Variants in SOX5 observed in about 807,000 individuals in gnomAD.
The protein encoded by SOX5 is transcription factor SOX-5.
Under a neutral mutation model 92.0 loss-of-function variants are expected in SOX5, and 9 were observed. The ratio of observed to expected loss-of-function variants is 0.10; its 90% confidence interval spans 0.06 to 0.17. SOX5 has a LOEUF of 0.17. Among genes scored for constraint, SOX5 ranks in the 10% least tolerant of loss-of-function variants. The pLI is 1.00. For missense variants in SOX5, 642 were observed against 944.5 expected (o/e 0.68, Z 4.20); for synonymous variants, 344 against 336.3 (o/e 1.02, Z -0.25).
At chr12:24,306,502 A>G (rs1428991789) in intron 2 of SOX5, among the ~76,000 whole-genome samples, 1 of 152,194 alleles carries the variant, frequency 6.6e-6, no homozygotes, top group Non-Finnish European at 1.5e-5. Context: ...CCATGACCAT[A>G]AGGAAGTGCA....
At chr12:24,112,346 G>T (rs1947455868) in intron 4 of SOX5, among the ~76,000 whole-genome samples, 2 of 152,006 alleles carry the variant, frequency 1.3e-5, no homozygotes, top group South Asian at 4.2e-4. Flanking sequence ...CTACATTCAT[G>T]CTGTAAATGC....
intron 4 of SOX5, among the ~76,000 whole-genome samples, chr12:24,050,558 T>G (rs35135814): frequency 0.22 from 33,139 of 152,116 alleles, 3,735 homozygotes; most frequent in Middle Eastern, 0.33. Context: ...GTAGTAATAA[T>G]TAGATTATTT....
At chr12:24,094,651 T>C (rs927229449) in intron 4 of SOX5, among the ~76,000 whole-genome samples, 8 of 152,150 alleles carry the variant, frequency 5.3e-5, no homozygotes, top group Admixed American at 2.0e-4. Flanking sequence ...CACCTGGGAT[T>C]TATTCTGTCA....
At chr12:24,359,418 G>T (rs11047393) in intron 2 of SOX5, among the ~76,000 whole-genome samples, 18,017 of 152,152 alleles carry the variant, frequency 0.12, 1,269 homozygotes, top group Non-Finnish European at 0.17. Context: ...TTTATCTACA[G>T]GCATCTTGCT....
chr12:24,327,070 G>T (rs1349322823), intron 2 of SOX5, among the ~76,000 whole-genome samples: 1 of 151,860 alleles, frequency 6.6e-6, no homozygotes, highest in Non-Finnish European at 1.5e-5. Flanking sequence ...TAGCATTTGG[G>T]AAAAAAAGAA....
At position 24,222,285 on chromosome 12, in the gene SOX5, G is replaced by C. The variant is rs73283053; in HGVS notation, c.-76-8868C>G. On this transcript the variant is annotated intron_variant, in intron 3 of 4. Coordinates refer to the SOX5 transcript ENST00000446891. ...CTATTTATTTCCAGGGCTATGTTAA[G>C]AATAAGCTTAAAGTAGGTCAGGGTA... Among the ~76,000 whole-genome samples, 219 of 152,244 alleles carry C rather than the reference G, an allele frequency of 1.4e-3. 2 individuals are homozygous for C. The highest frequency in any genetic ancestry group is 5.1e-3 in the African/African-American group (211 of 41,546).
chr12:24,031,888 A>C (rs909725372), intron 4 of SOX5, among the ~76,000 whole-genome samples: 2 of 151,890 alleles, frequency 1.3e-5, no homozygotes, highest in African/African-American at 4.8e-5. Context: ...AATTTTATCC[A>C]TAAGAGAATG....
intron 2 of SOX5, among the ~76,000 whole-genome samples, chr12:23,857,175 G>A (rs959717777): frequency 2.6e-5 from 4 of 152,070 alleles, no homozygotes; most frequent in African/African-American, 9.7e-5. Context: ...ATAAATAGAA[G>A]ACTAATATAG....
At chr12:24,345,944 T>C (rs939277755) in intron 2 of SOX5, among the ~76,000 whole-genome samples, 10 of 152,230 alleles carry the variant, frequency 6.6e-5, no homozygotes, top group African/African-American at 2.4e-4. Flanking sequence ...GTTCTATTAC[T>C]ACTACACATT....
intron 1 of SOX5, among the ~76,000 whole-genome samples, chr12:23,928,330 T>C (rs1940539161): frequency 1.3e-5 from 2 of 152,028 alleles, no homozygotes; most frequent in African/African-American, 4.8e-5. Flanking sequence ...ATCCTTAATG[T>C]TGCTCAGTAC....
At chr12:24,319,603 G>A (rs887638758) in intron 2 of SOX5, among the ~76,000 whole-genome samples, 2 of 152,044 alleles carry the variant, frequency 1.3e-5, no homozygotes, top group South Asian at 2.1e-4. Context: ...AGTAATCTCC[G>A]GAGTGGTTTT....
chr12:24,054,600 C>A (rs987517517), intron 4 of SOX5, among the ~76,000 whole-genome samples: 4 of 152,174 alleles, frequency 2.6e-5, no homozygotes, highest in Non-Finnish European at 5.9e-5. Flanking sequence ...GTGCCAATTG[C>A]TCTGTCTGTG....
At chr12:24,151,350 GA>G (rs964885890) in intron 4 of SOX5, among the ~76,000 whole-genome samples, 8 of 151,760 alleles carry the variant, frequency 5.3e-5, no homozygotes, top group Non-Finnish European at 7.4e-5. Flanking sequence ...TATATTTCAT[GA>G]AAAAAAATTC....
intron 1 of SOX5, chr12:24,460,582 T>C (rs1193253258): frequency 6.6e-6 from 1 of 152,232 alleles, no homozygotes. Flanking sequence ...AGAATTGTTT[T>C]TACTTGGACT....
chr12:23,650,139 A>G (rs1358727774), intron 7 of SOX5, among the ~76,000 whole-genome samples: 2 of 152,142 alleles, frequency 1.3e-5, no homozygotes, highest in Non-Finnish European at 2.9e-5. Flanking sequence ...TAATCAAGTG[A>G]GGAGGATTCA....
intron 1 of SOX5, among the ~76,000 whole-genome samples, chr12:24,534,347 G>A (rs1597696243): frequency 6.6e-6 from 1 of 151,934 alleles, no homozygotes; most frequent in East Asian, 1.9e-4. Context: ...CATGGTGGTA[G>A]AAAGTCTTCT....
At chr12:23,554,642 G>T (rs557678163) in intron 11 of SOX5, among the ~76,000 whole-genome samples, 1 of 152,188 alleles carries the variant, frequency 6.6e-6, no homozygotes, top group African/African-American at 2.4e-5. Flanking sequence ...AAATGTTAAG[G>T]TACAAAATAA....
At chr12:24,106,565 C>T (rs1398693185) in intron 4 of SOX5, among the ~76,000 whole-genome samples, 2 of 151,958 alleles carry the variant, frequency 1.3e-5, no homozygotes, top group Admixed American at 6.6e-5. Context: ...TCGACGCAGG[C>T]GGATCACCTG....
intron 6 of SOX5, among the ~76,000 whole-genome samples, chr12:23,701,331 T>C (rs1035599082): frequency 6.6e-6 from 1 of 151,898 alleles, no homozygotes; most frequent in Non-Finnish European, 1.5e-5. Flanking sequence ...TTAAGAGAAA[T>C]TGGAATTCTG....
Sources: gnomAD v4.1 joint callset for allele counts (sites outside exome capture counted in the v4.1 genomes callset) on GRCh38, gnomAD v4.1.1 for gene constraint, MANE v1.5 for transcripts, NCBI Gene and HGNC (gene_info 2026-07-23, HGNC 2026-07-21) for gene names.